Variants in FER1L6 observed in about 807,000 individuals in gnomAD.
The protein encoded by FER1L6 is fer-1-like protein 6.
Under a neutral mutation model 219.2 loss-of-function variants are expected in FER1L6, and 177 were observed. The observed-to-expected ratio is 0.81, with a 90% confidence interval of 0.71 to 0.91. The LOEUF (loss-of-function observed/expected upper bound fraction) is 0.91, where lower values mean the gene tolerates loss of function less well. Among genes scored for constraint, FER1L6 ranks in the 40% least tolerant of loss-of-function variants. The probability of loss-of-function intolerance (pLI) is 0.00; values close to 1 mark genes in which losing one functional copy is unlikely to be tolerated. For synonymous variants in FER1L6, 768 were observed against 824.3 expected, an observed-to-expected ratio of 0.93 and a Z score of 1.17; for missense variants, 2,153 against 2,259.9, an observed-to-expected ratio of 0.95 and a Z score of 0.96.
chr8:123,853,867 A>G lies in FER1L6; in HGVS notation c.-8+1682A>G, dbSNP rs1477887869. Among the ~76,000 whole-genome samples, 2 of 152,230 alleles carry G rather than the reference A, an allele frequency of 1.3e-5. No homozygotes were observed. Among genetic ancestry groups the G allele is most frequent in the Non-Finnish European group, 2.9e-5 (2 of 68,044 alleles). On this transcript the variant is annotated intron_variant, in intron 1 of 40. Transcript: ENST00000522917. This position sits in a 1 kb window ranked among gnomAD's most constrained non-coding sequence, Gnocchi z 6.6. ...GTGATGCTACCCAGGGACTCTGCAG[A>G]GCTGCCAGTCTCCTGCAACTCCACA...
chr8:124,091,344 T>A (rs1822019002), intron 33 of FER1L6, 79 bp from the exon 34 acceptor site: 1 of 1,178,968 alleles, frequency 8.5e-7, no homozygotes, highest in Admixed American at 2.3e-5. Flanking sequence ...GCAAGTTAAA[T>A]CTGAAAGAAA....
At chr8:124,009,992 G>A (rs1245172814) in intron 13 of FER1L6, among the ~76,000 whole-genome samples, 1,373 of 146,472 alleles carry the variant, frequency 9.4e-3, no homozygotes, top group East Asian at 0.04. Flanking sequence ...GGGTCTGCAA[G>A]CTGGCGACCC....
intron 25 of FER1L6, among the ~76,000 whole-genome samples, chr8:124,062,795 G>A (rs1466672069): frequency 1.3e-5 from 2 of 152,126 alleles, no homozygotes; most frequent in Non-Finnish European, 2.9e-5. Context: ...GGGGTGAGAT[G>A]ACTAGGTCCC....
At chr8:123,876,990 G>A (rs908574705) in intron 1 of FER1L6, among the ~76,000 whole-genome samples, 1 of 152,138 alleles carries the variant, frequency 6.6e-6, no homozygotes, top group African/African-American at 2.4e-5. Flanking sequence ...CCTCCTCTGT[G>A]CTTCTCTGCA....
intron 1 of FER1L6, among the ~76,000 whole-genome samples, chr8:123,907,228 C>A (rs972422578): frequency 1.2e-4 from 18 of 152,158 alleles, no homozygotes; most frequent in Non-Finnish European, 1.8e-4. Flanking sequence ...TAATCAGGCA[C>A]CCTAAAGAGG....
At chr8:123,920,068 GC>G (rs1813314199) in intron 1 of FER1L6, among the ~76,000 whole-genome samples, 1 of 152,226 alleles carries the variant, frequency 6.6e-6, no homozygotes, top group East Asian at 1.9e-4. Flanking sequence ...GGTGGTGACT[GC>G]AGAGCATTAC....
intron 12 of FER1L6, among the ~76,000 whole-genome samples, chr8:124,001,470 A>G (rs922035431): frequency 1.3e-5 from 2 of 152,186 alleles, no homozygotes; most frequent in African/African-American, 2.4e-5. Context: ...CACAAATTCA[A>G]TGGTTTCAGC....
chr8:124,116,416 C>G (rs1823248407), intron 39 of FER1L6, among the ~76,000 whole-genome samples: 1 of 150,950 alleles, frequency 6.6e-6, no homozygotes. Flanking sequence ...CATGAAACAC[C>G]ATGCAAGTTA....
intron 1 of FER1L6, among the ~76,000 whole-genome samples, chr8:123,883,169 G>C (rs1243052750): frequency 1.3e-5 from 2 of 152,210 alleles, no homozygotes; most frequent in African/African-American, 4.8e-5. Flanking sequence ...AGAAGCCAGG[G>C]AAGAGCCTTC....
intron 39 of FER1L6, among the ~76,000 whole-genome samples, chr8:124,107,397 A>G (rs1822826501): frequency 6.6e-6 from 1 of 152,186 alleles, no homozygotes; most frequent in African/African-American, 2.4e-5. Context: ...TAAAGAAATG[A>G]CAGAAGACAG....
chr8:123,947,856 G>A (rs1814573423), intron 1 of FER1L6, among the ~76,000 whole-genome samples: 1 of 152,326 alleles, frequency 6.6e-6, no homozygotes, highest in South Asian at 2.1e-4. Flanking sequence ...AGGCAGTTGA[G>A]TTGGGCCTAG....
At chr8:123,915,660 T>C (rs1813166745) in intron 1 of FER1L6, among the ~76,000 whole-genome samples, 1 of 152,200 alleles carries the variant, frequency 6.6e-6, no homozygotes, top group African/African-American at 2.4e-5. Context: ...TGATCTATAA[T>C]GAAACAGACA....
At chr8:123,896,125 G>T (rs1462289897) in intron 1 of FER1L6, among the ~76,000 whole-genome samples, 1 of 152,178 alleles carries the variant, frequency 6.6e-6, no homozygotes, top group African/African-American at 2.4e-5. Context: ...GGTGCTCATG[G>T]CCTTGTCCCA....
chr8:124,039,885 A>G lies in FER1L6; in HGVS notation c.2468A>G (p.Gln823Arg). Reference sequence around the variant, plus strand: ...CCCTTCCATGATTTGTCCACAGAACAGCATGTTTTTCAGCTGAGGGCTCAC... The same window carrying G: ...CCCTTCCATGATTTGTCCACAGAACGGCATGTTTTTCAGCTGAGGGCTCAC... ...HPPSNLLYQEQHVFQLRAHMY... is the reference protein window; with the variant it reads ...HPPSNLLYQERHVFQLRAHMY... The change falls in exon 20 of 41, where the codon CAG becomes CGG. Residue 823 changes from glutamine (Q) to arginine (R), a missense_variant. Transcript: ENST00000522917. 1 of 1,614,130 alleles carries G rather than the reference A, an allele frequency of 6.2e-7. No homozygotes were observed. The highest frequency in any genetic ancestry group is 8.5e-7 in the Non-Finnish European group (1 of 1,179,970).
chr8:123,918,666 G>C (rs1243902423), intron 1 of FER1L6, among the ~76,000 whole-genome samples: 2 of 151,130 alleles, frequency 1.3e-5, no homozygotes, highest in African/African-American at 4.9e-5. Context: ...GTGTTTAGCA[G>C]AGAGCTGAGA....
chr8:123,949,198 G>A (rs1039302783), intron 1 of FER1L6, among the ~76,000 whole-genome samples: 1 of 152,240 alleles, frequency 6.6e-6, no homozygotes, highest in African/African-American at 2.4e-5. Context: ...TAATGATAAA[G>A]ATGTGGTGGT....
rs1005675073 is a variant in FER1L6, at chr8:124,035,378, G to T, written c.2388G>T (p.Leu796Phe). Residue 796 changes from leucine to phenylalanine, a missense_variant, in exon 19 of 41, where the codon TTG becomes TTT. Transcript: ENST00000522917. ...ATGCCAGTGCCATTTTGGACAACTT[G>T]CCAGTAGGCTATGAAGCAGAAATGT... ...IKHASAILDN[L>F]PVGYEAEMSS... 6 of 1,613,910 alleles carry T rather than the reference G, an allele frequency of 3.7e-6. No homozygotes were observed. Among genetic ancestry groups the T allele is most frequent in the Non-Finnish European group, 5.1e-6 (6 of 1,179,988 alleles).
Position 123,852,467 on chromosome 8 carries a change from CATGCGT to C in FER1L6, c.-8+283_-8+288del, listed in dbSNP as rs1185903781. ...TGTTGCTTGAACTCCATGTTGTGAGCATGCGTGTGTGTGTGTGTGTGTGTGTGTGTG... is the reference window on the plus strand; with the variant it reads ...TGTTGCTTGAACTCCATGTTGTGAGCGTGTGTGTGTGTGTGTGTGTGTGTG... On this transcript the variant is annotated intron_variant, in intron 1 of 40. Transcript: ENST00000522917. The surrounding 1 kb of genome is among the most constrained non-coding windows in gnomAD (Gnocchi z 4.9). 4.3e-5 allele frequency among the ~76,000 whole-genome samples: 5 copies of C among 115,780 alleles called. No homozygotes were observed. Among genetic ancestry groups the C allele is most frequent in the African/African-American group, 1.8e-4 (5 of 28,466 alleles). 76.0% of individuals were successfully genotyped at this position (115,780 alleles called of 152,430 possible).
rs118124635 is a variant in FER1L6 at position 124,041,623 on chromosome 8, G to A, written c.2589+1617G>A. On this transcript the variant is annotated intron_variant, in intron 20 of 40. Transcript: ENST00000522917. ...ACTACACTATGATAAGCCTCAGGGT[G>A]CAGGGCTGTACAGAGTCCTACAAGA... Among the ~76,000 whole-genome samples the A allele has an allele frequency of 9.7e-3, 1,482 of 152,288 alleles. 19 individuals are homozygous for A. Among genetic ancestry groups the A allele is most frequent in the Non-Finnish European group, 0.015 (1,041 of 68,004 alleles).
Sources: gnomAD v4.1 joint callset for allele counts (sites outside exome capture counted in the v4.1 genomes callset) on GRCh38, gnomAD v4.1.1 for gene constraint, Gnocchi (gnomAD v3.1) non-coding constraint, MANE v1.5 for transcripts, NCBI Gene and HGNC (gene_info 2026-07-23, HGNC 2026-07-21) for gene names.